The following INPP4B variants were observed in gnomAD, a reference collection of about 807,000 sequenced individuals.
INPP4B encodes inositol polyphosphate-4-phosphatase type II B.
In INPP4B, 55 loss-of-function variants were observed where a neutral mutation model predicts 122.5. That is an observed-to-expected ratio of 0.45 (90% CI 0.36 to 0.56). INPP4B has a LOEUF of 0.56. INPP4B is among the 20% of genes least tolerant of loss of function. The pLI is 0.00. For synonymous variants in INPP4B, 403 were observed against 388.7 expected (o/e 1.04, Z -0.43); for missense variants, 1,000 against 1,097.7 (o/e 0.91, Z 1.26).
At chr4:142,387,603 T>G (rs974870253) in intron 7 of INPP4B, among the ~76,000 whole-genome samples, 10 of 152,150 alleles carry the variant, frequency 6.6e-5, no homozygotes, top group African/African-American at 2.2e-4. Context: ...CCCAGATACC[T>G]GATATGCCAA....
At chr4:142,499,332 T>G (rs1017469882) in intron 2 of INPP4B, among the ~76,000 whole-genome samples, 13 of 152,122 alleles carry the variant, frequency 8.5e-5, no homozygotes, top group Admixed American at 8.5e-4. Flanking sequence ...TGTAAAATGA[T>G]AATAACCAAA....
chr4:142,779,536 G>A (rs930626915), intron 1 of INPP4B, among the ~76,000 whole-genome samples: 2 of 151,802 alleles, frequency 1.3e-5, no homozygotes, highest in African/African-American at 4.8e-5. Context: ...TCCATGACTC[G>A]CAGCTATTAT....
At chr4:142,347,325 T>C (rs1780605856) in intron 7 of INPP4B, 1 of 194,196 alleles carries the variant, frequency 5.1e-6, no homozygotes, top group South Asian at 8.3e-5. Flanking sequence ...ATAAAAAAAG[T>C]CTGAGGAGTG....
chr4:142,809,836 A>G (rs1330105796), intron 1 of INPP4B, among the ~76,000 whole-genome samples: 1 of 152,084 alleles, frequency 6.6e-6, no homozygotes, highest in African/African-American at 2.4e-5. Context: ...TGTTTAAGAA[A>G]AAAAAAAATC....
At chr4:142,335,269 C>G (rs1209743589) in intron 7 of INPP4B, among the ~76,000 whole-genome samples, 1 of 152,020 alleles carries the variant, frequency 6.6e-6, no homozygotes, top group African/African-American at 2.4e-5. Context: ...GCAATAACAA[C>G]AACAACAACA....
intron 2 of INPP4B, among the ~76,000 whole-genome samples, chr4:142,492,622 G>A (rs554806086): frequency 3.7e-4 from 56 of 152,276 alleles, no homozygotes; most frequent in African/African-American, 1.3e-3. Flanking sequence ...GAGACTGGTG[G>A]CATTTTGCCC....
intron 3 of INPP4B, among the ~76,000 whole-genome samples, chr4:142,433,244 T>A (rs1174284851): frequency 6.6e-6 from 1 of 152,204 alleles, no homozygotes. Flanking sequence ...ATGGTTATGA[T>A]AACATACAGC....
chr4:142,152,727 G>A (rs1814920667), intron 17 of INPP4B, among the ~76,000 whole-genome samples: 1 of 152,114 alleles, frequency 6.6e-6, no homozygotes, highest in South Asian at 2.1e-4. Context: ...CCAAGTAGCA[G>A]GGACGACAAG....
chr4:142,488,617 AT>A (rs371171974), intron 2 of INPP4B, among the ~76,000 whole-genome samples: 5 of 151,984 alleles, frequency 3.3e-5, no homozygotes, highest in African/African-American at 1.2e-4. Flanking sequence ...TTAAGTTGTG[AT>A]TTTTTAAGAG....
At chr4:142,638,544 CTCT>C (rs1233183142) in intron 2 of INPP4B, among the ~76,000 whole-genome samples, 11 of 80,298 alleles carry the variant, frequency 1.4e-4, no homozygotes, top group Non-Finnish European at 3.0e-4. Flanking sequence ...GTTGTCTATT[CTCT>C]TTTTTTTTTT....
chr4:142,827,097 C>T (rs1781546359), intron 1 of INPP4B, among the ~76,000 whole-genome samples: 1 of 152,190 alleles, frequency 6.6e-6, no homozygotes, highest in African/African-American at 2.4e-5. Context: ...TGGAAAGCCG[C>T]AAGTGCTTTA....
intron 3 of INPP4B, among the ~76,000 whole-genome samples, chr4:142,443,958 C>A (rs541327285): frequency 5.3e-5 from 8 of 152,158 alleles, no homozygotes; most frequent in African/African-American, 1.9e-4. Flanking sequence ...CCAAGAGACC[C>A]AGACTCAGAT....
chr4:142,521,853 A>C (rs1826117609), intron 2 of INPP4B, among the ~76,000 whole-genome samples: 1 of 152,136 alleles, frequency 6.6e-6, no homozygotes, highest in East Asian at 1.9e-4. Flanking sequence ...ATGCATATAG[A>C]ATTAGTTCAT....
rs766012808 is a variant in INPP4B, at chr4:142,654,367, T to TTAAAAAAAAAAA, written c.-191+71471_-191+71472insTTTTTTTTTTTA. On this transcript the variant is annotated intron_variant, in intron 2 of 25. Coordinates refer to ENST00000262992, the MANE Select transcript of INPP4B (RefSeq NM_001101669.3). ...CACTTGTACCCTAGAACTTAAAGTA[T>TTAAAAAAAAAAA]AAAAAAAAAAAAAAAAAAAAAACAT... The TTAAAAAAAAAAA allele has an allele frequency of 2.5e-4, 25 of 100,972 alleles. 1 individual carries two copies. The East Asian group carries it at 5.0e-3, about 20-fold the overall frequency. 6.3% of individuals were successfully genotyped at this position (100,972 alleles called of 1,614,324 possible). A position where few individuals can be genotyped will look rare whatever the true frequency, so the allele number is the denominator to read the frequency against.
intron 7 of INPP4B, among the ~76,000 whole-genome samples, chr4:142,318,554 T>C (rs528436677): frequency 3.6e-4 from 55 of 152,294 alleles, no homozygotes; most frequent in African/African-American, 1.3e-3. Context: ...CCCCTCCCTG[T>C]CCCTTCCTGG....
chr4:142,029,839 C>T (rs1486819581), intron 25 of INPP4B: 2 of 1,060,708 alleles, frequency 1.9e-6, no homozygotes, highest in Non-Finnish European at 1.1e-6. Context: ...AGGTTCAGAA[C>T]TTCAAGCTTT....
intron 2 of INPP4B, among the ~76,000 whole-genome samples, chr4:142,599,294 C>T (rs1328701646): frequency 6.6e-6 from 1 of 152,212 alleles, no homozygotes. Flanking sequence ...TATTAGCCCA[C>T]TGCTGCCACC....
chr4:142,259,798 T>C lies in INPP4B; in HGVS notation c.688+694A>G, dbSNP rs116603170. On this transcript the variant is annotated intron_variant, in intron 11 of 25. Coordinates refer to ENST00000262992, the MANE Select transcript of INPP4B (RefSeq NM_001101669.3). ...TTTTTAAATTTTCTTTTTTTTTACT[T>C]TTTAAACATTTTTGTTAAAAACTGA... is the stretch of plus-strand genomic sequence containing the variant. 5.0e-3 allele frequency among the ~76,000 whole-genome samples: 767 copies of C among 152,228 alleles called. 10 individuals carry two copies. The highest frequency in any genetic ancestry group is 0.018 in the African/African-American group (728 of 41,538).
At chr4:142,199,584 C>T (rs1839821902) in intron 14 of INPP4B, among the ~76,000 whole-genome samples, 1 of 151,980 alleles carries the variant, frequency 6.6e-6, no homozygotes, top group Non-Finnish European at 1.5e-5. Context: ...TTTTTCTCTT[C>T]TAGGATCCTG....
Sources: gnomAD v4.1 joint callset for allele counts (sites outside exome capture counted in the v4.1 genomes callset) on GRCh38, gnomAD v4.1.1 for gene constraint, MANE v1.5 for transcripts, NCBI Gene and HGNC (gene_info 2026-07-23, HGNC 2026-07-21) for gene names.